The following SPAG16 variants were observed in gnomAD, a reference collection of about 807,000 sequenced individuals.
The protein encoded by SPAG16 is sperm-associated antigen 16 protein.
SPAG16 carries 86 observed loss-of-function variants against 80.4 expected under a neutral mutation model. The observed-to-expected ratio is 1.07, with a 90% CI of 0.90 to 1.28. The LOEUF is 1.28. Ranked by LOEUF, SPAG16 falls within the 50% of genes most tolerant of loss-of-function variation. The probability of loss-of-function intolerance (pLI) is 0.00; values close to 1 mark genes in which losing one functional copy is unlikely to be tolerated. For synonymous variants in SPAG16, 294 were observed against 265.9 expected (o/e 1.11, Z -1.03); for missense variants, 870 against 765.3 (o/e 1.14, Z -1.61).
At chr2:214,405,601 G>A (rs1039364073) in intron 15 of SPAG16, among the ~76,000 whole-genome samples, 4 of 152,138 alleles carry the variant, frequency 2.6e-5, no homozygotes, top group African/African-American at 9.7e-5. Flanking sequence ...TTCAAGACCA[G>A]CAGGGCCAAC....
At chr2:213,408,204 C>T (rs996070579) in intron 9 of SPAG16, among the ~76,000 whole-genome samples, 4 of 152,158 alleles carry the variant, frequency 2.6e-5, no homozygotes, top group Admixed American at 2.6e-4. Context: ...AAGGTCTTCT[C>T]CGTGACCCTG....
intron 9 of SPAG16, among the ~76,000 whole-genome samples, chr2:213,390,382 G>GC (rs1194590485): frequency 6.6e-6 from 1 of 152,058 alleles, no homozygotes; most frequent in East Asian, 1.9e-4. Flanking sequence ...TTTATGTTAT[G>GC]CCATTAATAA....
chr2:213,375,109 G>T lies in SPAG16; in HGVS notation c.932G>T (p.Gly311Val). Residue 311 changes from glycine (G) to valine (V), a missense_variant, in exon 9 of 16, where the codon GGC becomes GTC. Gly to Val is a moderately radical substitution (Grantham distance 109). Transcript: ENST00000331683. The part of the protein sequence containing the change: ...EQNKCKTKMK[G>V]NTKDSEFPID... ...AACAAATGTAAAACAAAGATGAAAG[G>T]CAATACAAAGGTATGATATTTGTTT... The T allele has an allele frequency of 6.2e-7, 1 of 1,603,308 alleles. No homozygotes were observed.
intron 2 of SPAG16, among the ~76,000 whole-genome samples, chr2:213,296,332 T>A (rs1014265121): frequency 2.0e-5 from 3 of 152,200 alleles, no homozygotes; most frequent in African/African-American, 7.2e-5. Context: ...GATTTTCCTG[T>A]TAATCGTCCT....
intron 10 of SPAG16, among the ~76,000 whole-genome samples, chr2:213,597,603 A>C (rs2060926362): frequency 6.6e-6 from 1 of 152,166 alleles, no homozygotes; most frequent in Admixed American, 6.5e-5. Flanking sequence ...TGCTCAAGTT[A>C]ATTTACATAA....
chr2:214,096,163 A>G (rs2052574308), intron 13 of SPAG16, among the ~76,000 whole-genome samples: 1 of 151,738 alleles, frequency 6.6e-6, no homozygotes, highest in Non-Finnish European at 1.5e-5. Flanking sequence ...TTTAATATTT[A>G]TTTGTATTGG....
In SPAG16 at chr2:213,454,865, A is replaced by G. The variant is rs74413941; in HGVS notation, c.943-35098A>G. Among the ~76,000 whole-genome samples the G allele has an allele frequency of 2.1e-3, 320 of 152,332 alleles. 2 individuals carry two copies. The highest frequency in any genetic ancestry group is 6.8e-3 in the Middle Eastern group (2 of 294). ...ATTAGAATGCATGAAATTTTGTAAT[A>G]CAAGCACAAATGTATGTATTCTTTC... On this transcript the variant is annotated intron_variant, in intron 9 of 15. Coordinates refer to ENST00000331683, the MANE Select transcript of SPAG16 (RefSeq NM_024532.5).
At chr2:213,853,673 G>T (rs6724980) in intron 10 of SPAG16, among the ~76,000 whole-genome samples, 52,094 of 151,766 alleles carry the variant, frequency 0.34, 9,347 homozygotes, top group South Asian at 0.47. Flanking sequence ...CTTTATTTTT[G>T]AATCTTGTAA....
chr2:213,811,587 A>G (rs2125668883), intron 10 of SPAG16, among the ~76,000 whole-genome samples: 1 of 152,140 alleles, frequency 6.6e-6, no homozygotes, highest in South Asian at 2.1e-4. Flanking sequence ...TGTACATTTC[A>G]CTGCCAACCG....
intron 10 of SPAG16, among the ~76,000 whole-genome samples, chr2:213,724,776 C>CAA (rs1159240137): frequency 9.1e-4 from 36 of 39,762 alleles, no homozygotes; most frequent in East Asian, 2.2e-3. Flanking sequence ...GACTCTGTCT[C>CAA]AAAAAAAAAA....
intron 15 of SPAG16, among the ~76,000 whole-genome samples, chr2:214,327,939 A>G (rs935595532): frequency 6.6e-6 from 1 of 152,198 alleles, no homozygotes; most frequent in Non-Finnish European, 1.5e-5. Context: ...CTAGAGTATC[A>G]GCAGGGTGGG....
At chr2:214,258,471 G>GTGTA (rs1553539128) in intron 15 of SPAG16, among the ~76,000 whole-genome samples, 28 of 141,416 alleles carry the variant, frequency 2.0e-4, no homozygotes, top group African/African-American at 5.0e-4. Flanking sequence ...ATGTGTGTGT[G>GTGTA]TATATATATA....
intron 9 of SPAG16, among the ~76,000 whole-genome samples, chr2:213,468,618 T>G (rs984664609): frequency 6.9e-6 from 1 of 145,848 alleles, no homozygotes; most frequent in Non-Finnish European, 1.5e-5. Context: ...TATTTATATA[T>G]AGAGATATAT....
At chr2:213,899,810 GC>G (rs1416224536) in intron 11 of SPAG16, among the ~76,000 whole-genome samples, 1 of 152,012 alleles carries the variant, frequency 6.6e-6, no homozygotes, top group African/African-American at 2.4e-5. Context: ...TCTCAAATAT[GC>G]AATAAAGAGG....
In SPAG16 at chr2:213,928,904, T is replaced by TACACACACAC. The variant is rs71063798; in HGVS notation, c.1215-1026_1215-1017dup. Among the ~76,000 whole-genome samples the TACACACACAC allele has an allele frequency of 3.8e-3, 545 of 143,068 alleles. 3 individuals carry two copies. The highest frequency in any genetic ancestry group is 0.012 in the African/African-American group (467 of 37,716). 93.9% of individuals were successfully genotyped at this position (143,068 alleles called of 152,430 possible). A position where few individuals can be genotyped will look rare whatever the true frequency, so the allele number is the denominator to read the frequency against. ...AGTAAAATTTTCTTGCAGCTGATGT[T>TACACACACAC]ACACACACACACACACACACACACA... On this transcript the variant is annotated intron_variant, in intron 11 of 15. Coordinates refer to ENST00000331683, the MANE Select transcript of SPAG16 (RefSeq NM_024532.5).
At chr2:213,994,236 C>T (rs929230183) in intron 12 of SPAG16, among the ~76,000 whole-genome samples, 7 of 151,800 alleles carry the variant, frequency 4.6e-5, no homozygotes, top group African/African-American at 1.7e-4. Context: ...ATTGTGATGG[C>T]AGTAAAAGGT....
At chr2:213,935,949 ATAAT>A (rs2078971158) in intron 12 of SPAG16, among the ~76,000 whole-genome samples, 1 of 152,216 alleles carries the variant, frequency 6.6e-6, no homozygotes, top group African/African-American at 2.4e-5. Flanking sequence ...AAAAATGATA[ATAAT>A]TAATAATTAC....
intron 7 of SPAG16, among the ~76,000 whole-genome samples, chr2:213,361,286 G>A (rs1467172683): frequency 6.6e-6 from 1 of 151,106 alleles, no homozygotes. Context: ...AAATAGAATT[G>A]ATTTGTAGGT....
At chr2:213,617,416 A>T (rs2061635155) in intron 10 of SPAG16, among the ~76,000 whole-genome samples, 1 of 152,148 alleles carries the variant, frequency 6.6e-6, no homozygotes, top group South Asian at 2.1e-4. Context: ...GTCTCAGCTC[A>T]CTGCAACCTC....
Sources: gnomAD v4.1 joint callset for allele counts (sites outside exome capture counted in the v4.1 genomes callset) on GRCh38, gnomAD v4.1.1 for gene constraint, MANE v1.5 for transcripts, NCBI Gene and HGNC (gene_info 2026-07-23, HGNC 2026-07-21) for gene names.